The following MAPT variants were observed in gnomAD, a reference collection of about 807,000 sequenced individuals.
MAPT encodes microtubule-associated protein tau.
MAPT carries 34 observed loss-of-function variants against 67.9 expected under a neutral mutation model. That is an observed-to-expected ratio of 0.50 (90% CI 0.38 to 0.67). MAPT has a LOEUF of 0.67. Among genes scored for constraint, MAPT ranks in the 30% least tolerant of loss-of-function variants. The pLI is 0.00. For missense variants in MAPT, 881 were observed against 1,115.2 expected (o/e 0.79, Z 2.99); for synonymous variants, 456 against 464.5 (o/e 0.98, Z 0.23).
chr17:45,926,118 T>G (rs2066264258), intron 1 of MAPT, among the ~76,000 whole-genome samples: 1 of 151,596 alleles, frequency 6.6e-6, no homozygotes, highest in Non-Finnish European at 1.5e-5. Context: ...GGCTGAGGCA[T>G]GAGAATTGCT....
intron 6 of MAPT, among the ~76,000 whole-genome samples, chr17:45,989,135 T>C (rs1027737615): frequency 7.2e-5 from 11 of 152,126 alleles, no homozygotes; most frequent in African/African-American, 2.7e-4. Context: ...GCACCTTGCC[T>C]GGAATTGAGT....
intron 1 of MAPT, among the ~76,000 whole-genome samples, chr17:45,926,620 T>G (rs984100584): frequency 2.0e-5 from 3 of 152,170 alleles, no homozygotes; most frequent in South Asian, 4.1e-4. Flanking sequence ...GCCCTCAAAT[T>G]TTTAAAAATC....
At chr17:45,972,233 C>T (rs540443212) in intron 3 of MAPT, 2 of 607,154 alleles carry the variant, frequency 3.3e-6, no homozygotes, top group Non-Finnish European at 3.1e-6. Flanking sequence ...TCCCACACCC[C>T]CTTCAAAAGC....
chr17:45,942,778 G>A (rs1374844123), intron 1 of MAPT, among the ~76,000 whole-genome samples: 1 of 152,198 alleles, frequency 6.6e-6, no homozygotes, highest in Non-Finnish European at 1.5e-5. Context: ...AGGGTTCATC[G>A]ACAGCCAGCG....
At chr17:45,958,892 G>C (rs1027580463) in intron 1 of MAPT, among the ~76,000 whole-genome samples, 1 of 151,790 alleles carries the variant, frequency 6.6e-6, no homozygotes, top group Non-Finnish European at 1.5e-5. Context: ...GTGAAATCCC[G>C]TCTCTACAAA....
intron 1 of MAPT, among the ~76,000 whole-genome samples, chr17:45,947,611 C>T (rs2068638968): frequency 6.6e-6 from 1 of 151,956 alleles, no homozygotes; most frequent in African/African-American, 2.4e-5. Flanking sequence ...TGGTCTCGAA[C>T]TCCTGACCTC....
chr17:46,026,293 GT>G lies in MAPT; in HGVS notation c.*2124del, dbSNP rs2076804622. The stretch of plus-strand genomic sequence containing the variant: ...CCAGCTTCTAGCAGCTAAGGAGGCC[GT>G]TCAGCTGTGACGAAGGCCTGAAGCA... On this transcript the variant is annotated 3_prime_UTR_variant, in exon 13 of 13. Coordinates refer to ENST00000262410, the MANE Select transcript of MAPT (RefSeq NM_001377265.1). 6.6e-6 allele frequency: 1 copy of G among 152,574 alleles called. No homozygotes were observed. The highest frequency in any genetic ancestry group is 1.5e-5 in the Non-Finnish European group (1 of 68,094). 9.5% of individuals were successfully genotyped at this position (152,574 alleles called of 1,614,324 possible). A position where few individuals can be genotyped will look rare whatever the true frequency, so the allele number is the denominator to read the frequency against.
Position 45,982,970 on chromosome 17 carries a change from G to A in MAPT, c.391G>A (p.Val131Ile). The change falls in exon 5 of 13, where the codon GTC (valine) becomes ATC (isoleucine). Residue 131 changes from valine (V) to isoleucine (I), a missense_variant. Coordinates refer to ENST00000262410, the MANE Select transcript of MAPT (RefSeq NM_001377265.1). ...QPGPCGEASGVSGPCLGEKEP... is the reference protein window; with the variant it reads ...QPGPCGEASGISGPCLGEKEP... Reference sequence around the variant, plus strand: ...TGGACCCTGCGGAGAGGCCTCTGGGGTCTCTGGGCCGTGCCTCGGGGAGAA... The same window carrying A: ...TGGACCCTGCGGAGAGGCCTCTGGGATCTCTGGGCCGTGCCTCGGGGAGAA... 1.4e-6 allele frequency: 2 copies of A among 1,434,710 alleles called. No homozygotes were observed. Among genetic ancestry groups the A allele is most frequent in the Non-Finnish European group, 1.8e-6 (2 of 1,097,898 alleles). The allele number at this position is 1,434,710 out of a possible 1,614,324, so 88.9% of individuals were successfully genotyped here.
intron 9 of MAPT, among the ~76,000 whole-genome samples, chr17:46,004,441 G>T (rs1444697859): frequency 2.6e-5 from 4 of 152,220 alleles, no homozygotes; most frequent in African/African-American, 7.2e-5. Context: ...CTGACTAGGA[G>T]TTCCCTGGAT....
At chr17:45,989,506 C>T (rs1290970090) in intron 6 of MAPT, among the ~76,000 whole-genome samples, 1 of 142,130 alleles carries the variant, frequency 7.0e-6, no homozygotes, top group Non-Finnish European at 1.6e-5. Flanking sequence ...AAAAAACGAG[C>T]CGGGCGTGGT....
chr17:46,003,488 A>G (rs936400864), intron 9 of MAPT, among the ~76,000 whole-genome samples: 1 of 152,006 alleles, frequency 6.6e-6, no homozygotes, highest in African/African-American at 2.4e-5. Context: ...CATGTTTGCC[A>G]AGCTGGTCTC....
At chr17:45,980,591 C>A (rs1018549968) in intron 4 of MAPT, 2 of 150,922 alleles carry the variant, frequency 1.3e-5, no homozygotes, top group African/African-American at 2.4e-5. Context: ...CTCATTGATA[C>A]ACACACACAC....
chr17:46,012,908 G>A (rs564423421), intron 10 of MAPT, among the ~76,000 whole-genome samples: 2 of 152,018 alleles, frequency 1.3e-5, no homozygotes, highest in South Asian at 4.2e-4. Flanking sequence ...CAGGCCGCGC[G>A]CCATCCATCC....
intron 1 of MAPT, among the ~76,000 whole-genome samples, chr17:45,956,585 TATATATATATATATA>T (rs1568230948): frequency 5.3e-3 from 41 of 7,762 alleles, no homozygotes; most frequent in African/African-American, 7.7e-3. Flanking sequence ...TATATATATA[TATATATATATATATA>T]TTTTTTATTA....
rs2076727098 is a variant in MAPT at position 46,024,621 on chromosome 17, A to T, written c.*450A>T. The T allele has an allele frequency of 3.9e-6, 1 of 256,180 alleles. No individual in the cohort carries two copies. The highest frequency in any genetic ancestry group is 7.6e-6 in the Non-Finnish European group (1 of 130,940). The allele number at this position is 256,180 out of a possible 1,614,324, so 15.9% of individuals were successfully genotyped here. On this transcript the variant is annotated 3_prime_UTR_variant, in exon 13 of 13. Transcript: ENST00000262410. ...GCAGTGGCAGCAACAAAGGATTTGA[A>T]ACTTGGTGTGTTCGTGGAGCCACAG...
intron 2 of MAPT, among the ~76,000 whole-genome samples, chr17:45,968,591 TACA>T (rs1269732595): frequency 6.6e-6 from 1 of 152,232 alleles, no homozygotes; most frequent in Non-Finnish European, 1.5e-5. Flanking sequence ...GGTATGTGAC[TACA>T]ACGTGATGCT....
intron 9 of MAPT, among the ~76,000 whole-genome samples, chr17:45,997,256 C>T (rs1447250676): frequency 6.6e-6 from 1 of 152,178 alleles, no homozygotes; most frequent in Non-Finnish European, 1.5e-5. Flanking sequence ...CATTCCTGTC[C>T]CTGTGCCCCT....
In MAPT at chr17:46,024,173, C is replaced by T; in HGVS notation, c.*2C>T. 1 of 1,613,654 alleles carries T rather than the reference C, an allele frequency of 6.2e-7. No individual in the cohort carries two copies. The highest frequency in any genetic ancestry group is 8.5e-7 in the Non-Finnish European group (1 of 1,179,698). ...TCCCTGGCCAAGCAGGGTTTGTGATCAGGCCCCTGGGGCGGTCAATAATTG... is the reference window on the plus strand; with the variant it reads ...TCCCTGGCCAAGCAGGGTTTGTGATTAGGCCCCTGGGGCGGTCAATAATTG... On this transcript the variant is annotated 3_prime_UTR_variant, in exon 13 of 13. Transcript: ENST00000262410.
At chr17:45,985,249 G>A (rs941755334) in intron 5 of MAPT, among the ~76,000 whole-genome samples, 15 of 152,254 alleles carry the variant, frequency 9.9e-5, no homozygotes, top group Admixed American at 3.3e-4. Context: ...AGGTTACAGT[G>A]AGCCAAGATC....
Sources: gnomAD v4.1 joint callset for allele counts (sites outside exome capture counted in the v4.1 genomes callset) on GRCh38, gnomAD v4.1.1 for gene constraint, MANE v1.5 for transcripts, NCBI Gene and HGNC (gene_info 2026-07-23, HGNC 2026-07-21) for gene names.